CCSER1: variants seen among roughly 807,000 people sequenced by gnomAD.
CCSER1 encodes the protein serine-rich coiled-coil domain-containing protein 1.
A neutral mutation model predicts 82.0 loss-of-function variants in CCSER1; 41 were observed. That is an observed-to-expected ratio of 0.50 (90% confidence interval 0.39 to 0.65). The LOEUF (loss-of-function observed/expected upper bound fraction) is 0.65, where lower values mean the gene tolerates loss of function less well. Ranked by LOEUF, CCSER1 falls within the 30% of genes least tolerant of loss-of-function variation. CCSER1 has a pLI of 0.00. For missense variants in CCSER1, 1,119 were observed against 1,064.2 expected (o/e 1.05, Z -0.72); for synonymous variants, 414 against 383.9 (o/e 1.08, Z -0.92).
intron 4 of CCSER1, among the ~76,000 whole-genome samples, chr4:90,453,304 A>G (rs1303845858): frequency 3.9e-5 from 6 of 152,194 alleles, no homozygotes; most frequent in Non-Finnish European, 5.9e-5. Context: ...CACCAGATGA[A>G]TAGGGACCAC....
intron 10 of CCSER1, among the ~76,000 whole-genome samples, chr4:91,150,018 A>T (rs1729993095): frequency 6.6e-6 from 1 of 152,146 alleles, no homozygotes; most frequent in Non-Finnish European, 1.5e-5. Context: ...CTGTGGAGAA[A>T]GTCATTGGTA....
Position 91,496,848 on chromosome 4 carries a change from T to TTCA in CCSER1, c.2218-101724_2218-101723insTCA, listed in dbSNP as rs545580869. Among the ~76,000 whole-genome samples the TTCA allele has an allele frequency of 1.6e-3, 194 of 122,002 alleles. 5 individuals carry two copies. The highest frequency in any genetic ancestry group is 5.5e-3 in the African/African-American group (185 of 33,548). 80.0% of individuals were successfully genotyped at this position (122,002 alleles called of 152,430 possible). A position where few individuals can be genotyped will look rare whatever the true frequency, so the allele number is the denominator to read the frequency against. Reference sequence around the variant, plus strand: ...ATTGAATATATATTGAATATATATATATTCAAATATATATTGAATATATAT... The same window carrying TTCA: ...ATTGAATATATATTGAATATATATATTCAATTCAAATATATATTGAATATATAT... On this transcript the variant is annotated intron_variant, in intron 10 of 10. Transcript: ENST00000509176.
intron 9 of CCSER1, among the ~76,000 whole-genome samples, chr4:91,079,387 C>A (rs935704460): frequency 3.3e-5 from 5 of 152,144 alleles, no homozygotes; most frequent in African/African-American, 9.7e-5. Flanking sequence ...GAGATTTTGT[C>A]ACCATCAGGC....
chr4:91,111,119 T>G lies in CCSER1; in HGVS notation c.2217+25125T>G, dbSNP rs1726059684. 4.6e-5 allele frequency among the ~76,000 whole-genome samples: 7 copies of G among 152,128 alleles called. No homozygotes were observed. The South Asian group carries it at 1.5e-3, about 32-fold the overall frequency. ...TTTAATTTGACAAGTTTCATAATTT[T>G]AAAGCTGGTGATTCAAGTGAATTTT... On this transcript the variant is annotated intron_variant, in intron 10 of 10. Transcript: ENST00000509176.
chr4:91,436,030 C>A (rs1252846106), intron 10 of CCSER1, among the ~76,000 whole-genome samples: 1 of 152,116 alleles, frequency 6.6e-6, no homozygotes, highest in African/African-American at 2.4e-5. Context: ...ATTTGTGGCT[C>A]CCTGCAATCA....
intron 10 of CCSER1, among the ~76,000 whole-genome samples, chr4:91,194,763 T>C (rs905455136): frequency 6.6e-6 from 1 of 152,206 alleles, no homozygotes; most frequent in Admixed American, 6.5e-5. Context: ...TAATTTGTGA[T>C]GCATCATATT....
intron 5 of CCSER1, among the ~76,000 whole-genome samples, chr4:90,550,867 G>T (rs903991250): frequency 1.3e-5 from 2 of 152,178 alleles, no homozygotes; most frequent in East Asian, 3.9e-4. Context: ...GTAGTTGAGA[G>T]CCCTTCATAA....
chr4:91,349,913 G>A (rs941897458), intron 10 of CCSER1, among the ~76,000 whole-genome samples: 4 of 151,936 alleles, frequency 2.6e-5, no homozygotes, highest in African/African-American at 7.3e-5. Context: ...TTCTGCTTCA[G>A]TAAATCGTGA....
intron 10 of CCSER1, among the ~76,000 whole-genome samples, chr4:91,095,667 T>C (rs1724438951): frequency 6.6e-6 from 1 of 152,208 alleles, no homozygotes; most frequent in African/African-American, 2.4e-5. Flanking sequence ...ACGATAGGCC[T>C]CACACTGTCT....
At chr4:90,560,753 A>G (rs1438821570) in intron 5 of CCSER1, among the ~76,000 whole-genome samples, 2 of 152,072 alleles carry the variant, frequency 1.3e-5, no homozygotes, top group Non-Finnish European at 2.9e-5. Flanking sequence ...AATATTCTAA[A>G]TTGTTGGCTA....
intron 9 of CCSER1, among the ~76,000 whole-genome samples, chr4:91,000,242 ATAGTATAGTATAG>A (rs1193757456): frequency 1.1e-4 from 16 of 148,316 alleles, no homozygotes; most frequent in Admixed American, 4.0e-4. Flanking sequence ...ATAGTATAGT[ATAGTATAGTATAG>A]TATAGTATAG....
chr4:90,311,615 A>T (rs1376984469), intron 2 of CCSER1, among the ~76,000 whole-genome samples: 16 of 152,210 alleles, frequency 1.1e-4, no homozygotes, highest in Non-Finnish European at 2.9e-5. Context: ...TCATAATGCT[A>T]AATTTAGTTT....
intron 8 of CCSER1, among the ~76,000 whole-genome samples, chr4:90,820,713 T>G (rs1039944710): frequency 4.1e-4 from 62 of 150,546 alleles, no homozygotes; most frequent in African/African-American, 1.5e-3. Flanking sequence ...TATAGCATAT[T>G]TATATTTATA....
chr4:90,515,529 G>T (rs1042730349), intron 5 of CCSER1, among the ~76,000 whole-genome samples: 2 of 151,990 alleles, frequency 1.3e-5, no homozygotes, highest in African/African-American at 4.8e-5. Context: ...TCTCTCCACT[G>T]GGAAATCTTC....
intron 10 of CCSER1, among the ~76,000 whole-genome samples, chr4:91,581,217 T>C (rs1256095316): frequency 6.6e-6 from 1 of 151,756 alleles, no homozygotes; most frequent in Non-Finnish European, 1.5e-5. Context: ...TTCTAATTTT[T>C]GTTCCTTTTA....
chr4:90,748,606 C>T (rs1351937970), intron 7 of CCSER1, among the ~76,000 whole-genome samples: 654 of 147,138 alleles, frequency 4.4e-3, no homozygotes, highest in African/African-American at 0.015. Flanking sequence ...CCTGAGGAAT[C>T]GCCACACTGA....
At chr4:90,636,926 G>T (rs1725519311) in intron 6 of CCSER1, among the ~76,000 whole-genome samples, 1 of 152,022 alleles carries the variant, frequency 6.6e-6, no homozygotes, top group Non-Finnish European at 1.5e-5. Flanking sequence ...GATAACCTAA[G>T]AAATCTACAA....
intron 5 of CCSER1, among the ~76,000 whole-genome samples, chr4:90,616,672 G>A (rs1299909121): frequency 1.4e-5 from 2 of 147,704 alleles, no homozygotes; most frequent in African/African-American, 5.0e-5. Flanking sequence ...GCCACAGAGT[G>A]TGGCTCTGTC....
At chr4:90,820,355 T>C (rs115395867) in intron 8 of CCSER1, among the ~76,000 whole-genome samples, 11 of 152,296 alleles carry the variant, frequency 7.2e-5, no homozygotes, top group Non-Finnish European at 1.6e-4. Flanking sequence ...CAGAAATATA[T>C]TTCTCATAGT....
Sources: gnomAD v4.1 joint callset for allele counts (sites outside exome capture counted in the v4.1 genomes callset) on GRCh38, gnomAD v4.1.1 for gene constraint, MANE v1.5 for transcripts, NCBI Gene and HGNC (gene_info 2026-07-23, HGNC 2026-07-21) for gene names.